TENM3: variants seen among roughly 807,000 people sequenced by gnomAD.
The protein encoded by TENM3 is teneurin-3.
Under a neutral mutation model 255.1 loss-of-function variants are expected in TENM3, and 63 were observed. The ratio of observed to expected loss-of-function variants is 0.25; its 90% CI spans 0.20 to 0.30. The LOEUF (loss-of-function observed/expected upper bound fraction) is 0.30. Among genes scored for constraint, TENM3 ranks in the 10% least tolerant of loss-of-function variants. The probability of loss-of-function intolerance (pLI) is 1.00; values close to 1 mark genes in which losing one functional copy is unlikely to be tolerated. For missense variants in TENM3, 2,929 were observed against 3,461.1 expected (o/e 0.85, Z 3.86); for synonymous variants, 1,306 against 1,322.3 (o/e 0.99, Z 0.27).
chr4:181,890,910 C>T, the TENM3 span, among the ~76,000 whole-genome samples: 1 of 152,170 alleles, frequency 6.6e-6, no homozygotes, highest in Admixed American at 6.5e-5. Context: ...CTATTGCTTT[C>T]CTGAAGCATC....
Position 182,324,013 on chromosome 4 carries a change from A to G in TENM3, c.-8A>G. The G allele has an allele frequency of 1.2e-6, 2 of 1,612,086 alleles. No homozygotes were observed. Among genetic ancestry groups the G allele is most frequent in the Non-Finnish European group, 1.7e-6 (2 of 1,178,786 alleles). On this transcript the variant is annotated 5_prime_UTR_variant, in exon 2 of 28. Coordinates refer to ENST00000511685, the MANE Select transcript of TENM3 (RefSeq NM_001080477.4). ...GCAGGACTGATGTGCACACAGAAGG[A>G]ATGAAGTATGGATGTGAAAGAACGC... is the stretch of plus-strand genomic sequence containing the variant.
the TENM3 span, among the ~76,000 whole-genome samples, chr4:181,629,282 A>G: frequency 7.1e-4 from 108 of 152,304 alleles, no homozygotes; most frequent in African/African-American, 2.5e-3. Context: ...TCATCTGCAA[A>G]CAGGGCCAAT....
At chr4:181,974,496 A>T in the TENM3 span, among the ~76,000 whole-genome samples, 1 of 152,134 alleles carries the variant, frequency 6.6e-6, no homozygotes, top group African/African-American at 2.4e-5. Context: ...TGAACCCAGG[A>T]GGAGGAGGTT....
the TENM3 span, among the ~76,000 whole-genome samples, chr4:181,914,068 C>T: frequency 6.6e-6 from 1 of 152,154 alleles, no homozygotes; most frequent in South Asian, 2.1e-4. Flanking sequence ...TTTCTTCAAC[C>T]ATCCTTCTTT....
At chr4:182,346,999 G>GA (rs1397346251) in intron 3 of TENM3, 70 bp downstream of exon 3, 8 of 1,150,662 alleles carry the variant, frequency 7.0e-6, no homozygotes, top group African/African-American at 3.1e-5. Flanking sequence ...ACTCCGCGGG[G>GA]GGGGATGTTT....
chr4:181,885,037 T>A, the TENM3 span, among the ~76,000 whole-genome samples: 2 of 152,220 alleles, frequency 1.3e-5, no homozygotes, highest in Non-Finnish European at 2.9e-5. Context: ...AGGGGCGTCA[T>A]GTGAAATTTT....
At chr4:182,498,324 T>A (rs1735993804) in intron 3 of TENM3, among the ~76,000 whole-genome samples, 1 of 152,122 alleles carries the variant, frequency 6.6e-6, no homozygotes, top group African/African-American at 2.4e-5. Flanking sequence ...GCTCAGAAAT[T>A]AAGGCCTATT....
chr4:182,094,577 T>G, the TENM3 span, among the ~76,000 whole-genome samples: 1 of 152,190 alleles, frequency 6.6e-6, no homozygotes, highest in Non-Finnish European at 1.5e-5. Flanking sequence ...TCAAGAAAAC[T>G]AATTTCACAT....
chr4:182,078,245 C>T, the TENM3 span, among the ~76,000 whole-genome samples: 1 of 151,788 alleles, frequency 6.6e-6, no homozygotes, highest in South Asian at 2.1e-4. Flanking sequence ...ACGAAACAGC[C>T]GGGTGCAGTG....
chr4:181,471,663 C>T, the TENM3 span, among the ~76,000 whole-genome samples: 1 of 152,142 alleles, frequency 6.6e-6, no homozygotes, highest in African/African-American at 2.4e-5. Context: ...CCATTGGATA[C>T]TTGTAGCTAT....
the TENM3 span, among the ~76,000 whole-genome samples, chr4:182,077,339 G>A: frequency 6.6e-6 from 1 of 152,090 alleles, no homozygotes; most frequent in South Asian, 2.1e-4. Flanking sequence ...GCTTTATATA[G>A]TGCTTTTGTC....
the TENM3 span, among the ~76,000 whole-genome samples, chr4:182,025,391 T>C: frequency 4.6e-5 from 7 of 152,202 alleles, no homozygotes; most frequent in Admixed American, 4.6e-4. Context: ...ATTTTCTGTA[T>C]CCATTCATCT....
chr4:182,365,130 G>T (rs1306739633), intron 3 of TENM3, among the ~76,000 whole-genome samples: 4 of 152,180 alleles, frequency 2.6e-5, no homozygotes, highest in Admixed American at 2.0e-4. Context: ...TACCTTTGTT[G>T]TAATTTGTAT....
chr4:182,105,756 T>C, the TENM3 span, among the ~76,000 whole-genome samples: 1 of 152,162 alleles, frequency 6.6e-6, no homozygotes, highest in African/African-American at 2.4e-5. Context: ...AGCGGATTGA[T>C]TGATTGTCCA....
At chr4:182,650,609 C>G (rs1167782775) in intron 5 of TENM3, among the ~76,000 whole-genome samples, 1 of 149,320 alleles carries the variant, frequency 6.7e-6, no homozygotes, top group African/African-American at 2.4e-5. Flanking sequence ...TCCTTCTTCT[C>G]GTCTCTCTCT....
At chr4:181,625,446 A>T in the TENM3 span, among the ~76,000 whole-genome samples, 2 of 152,172 alleles carry the variant, frequency 1.3e-5, no homozygotes, top group Admixed American at 6.5e-5. Context: ...CATCCCAGCA[A>T]CTATCTCTGC....
the TENM3 span, among the ~76,000 whole-genome samples, chr4:181,568,173 T>C: frequency 2.0e-5 from 3 of 151,248 alleles, no homozygotes; most frequent in Non-Finnish European, 4.4e-5. Flanking sequence ...TTTTTTTTTT[T>C]TTTTTTTTTG....
At chr4:181,454,379 T>G in the TENM3 span, among the ~76,000 whole-genome samples, 20 of 152,172 alleles carry the variant, frequency 1.3e-4, no homozygotes, top group African/African-American at 4.6e-4. Context: ...GAAAAATTCC[T>G]ATTGCCTAGT....
chr4:182,497,340 G>A (rs1009073251), intron 3 of TENM3, among the ~76,000 whole-genome samples: 2 of 151,840 alleles, frequency 1.3e-5, no homozygotes, highest in African/African-American at 2.4e-5. Context: ...CGTGAGCCAC[G>A]GCACCCGGCC....
Sources: allele counts gnomAD v4.1 joint callset (sites outside exome capture counted in the v4.1 genomes callset), GRCh38; gene constraint gnomAD v4.1.1; transcripts MANE v1.5; gene names NCBI Gene and HGNC (gene_info 2026-07-23, HGNC 2026-07-21).